Variants in TMEM178B observed in about 807,000 individuals in gnomAD.
TMEM178B encodes the protein transmembrane protein 178B.
Under a neutral mutation model 31.0 loss-of-function variants are expected in TMEM178B, and 5 were observed. The ratio of observed to expected loss-of-function variants is 0.16; its 90% CI spans 0.08 to 0.34. The LOEUF is 0.34. Among genes scored for constraint, TMEM178B ranks in the 10% least tolerant of loss-of-function variants. The probability of loss-of-function intolerance (pLI) is 1.00; values close to 1 mark genes in which losing one functional copy is unlikely to be tolerated. For synonymous variants in TMEM178B, 164 were observed against 164.0 expected, an observed-to-expected ratio of 1.00 and a Z score of 0.00; for missense variants, 275 against 400.3, an observed-to-expected ratio of 0.69 and a Z score of 2.67.
intron 2 of TMEM178B, among the ~76,000 whole-genome samples, chr7:141,380,602 A>G (rs907703259): frequency 5.3e-5 from 8 of 152,144 alleles, no homozygotes; most frequent in African/African-American, 1.4e-4. Context: ...AAAGAATTCT[A>G]TGTCCTTTTT....
At chr7:141,363,846 C>T (rs978009348) in intron 2 of TMEM178B, among the ~76,000 whole-genome samples, 10 of 151,466 alleles carry the variant, frequency 6.6e-5, no homozygotes, top group Admixed American at 5.3e-4. Context: ...GCCGTGATTG[C>T]GCCACTGCAC....
intron 1 of TMEM178B, among the ~76,000 whole-genome samples, chr7:141,103,934 C>T (rs1271174144): frequency 6.6e-6 from 1 of 152,196 alleles, no homozygotes; most frequent in Admixed American, 6.5e-5. Flanking sequence ...ACCAATTCCT[C>T]TGCATAATCA....
intron 3 of TMEM178B, among the ~76,000 whole-genome samples, chr7:141,450,773 C>CT (rs1200631299): frequency 2.0e-5 from 3 of 152,184 alleles, no homozygotes; most frequent in Non-Finnish European, 4.4e-5. Flanking sequence ...ACATTATCTC[C>CT]TTTCATCTCA....
At chr7:141,186,439 G>C (rs565168571) in intron 1 of TMEM178B, among the ~76,000 whole-genome samples, 1 of 152,290 alleles carries the variant, frequency 6.6e-6, no homozygotes, top group African/African-American at 2.4e-5. Flanking sequence ...CGGGGCCTCT[G>C]CTCCTCCTTC....
chr7:141,504,105 C>T, the TMEM178B span, among the ~76,000 whole-genome samples: 10 of 152,188 alleles, frequency 6.6e-5, no homozygotes, highest in African/African-American at 2.2e-4. Context: ...GATTTCCTCC[C>T]TCCTGATTTT....
At chr7:141,128,213 A>G (rs989608076) in intron 1 of TMEM178B, among the ~76,000 whole-genome samples, 1 of 152,204 alleles carries the variant, frequency 6.6e-6, no homozygotes, top group African/African-American at 2.4e-5. Context: ...GGTCATATCT[A>G]GAACCTGAAT....
At chr7:141,391,988 A>G (rs1800551539) in intron 2 of TMEM178B, among the ~76,000 whole-genome samples, 1 of 151,948 alleles carries the variant, frequency 6.6e-6, no homozygotes, top group Non-Finnish European at 1.5e-5. Flanking sequence ...TGCTGTGAAC[A>G]TGGCTATGAA....
rs1794555522 is a variant in TMEM178B, at chr7:141,074,188, G to A, written c.-123G>A. The A allele has an allele frequency of 7.4e-7, 1 of 1,345,942 alleles. No individual in the cohort carries two copies. The highest frequency in any genetic ancestry group is 2.7e-5 in the East Asian group (1 of 36,908). 83.4% of individuals were successfully genotyped at this position (1,345,942 alleles called of 1,614,324 possible). On this transcript the variant is annotated 5_prime_UTR_variant, in exon 1 of 4. Coordinates refer to ENST00000565468, the MANE Select transcript of TMEM178B (RefSeq NM_001195278.2). The surrounding 1 kb of genome is among the most constrained non-coding windows in gnomAD (Gnocchi z 5.1). Reference sequence around the variant, plus strand: ...GGTAGGCGGGGGCCGAGGGGGCGCCGCGGCGCGAGTCCCTCTCCTGCCCCC... The same window carrying A: ...GGTAGGCGGGGGCCGAGGGGGCGCCACGGCGCGAGTCCCTCTCCTGCCCCC...
At chr7:141,370,899 CATTCTG>C (rs1185207983) in intron 2 of TMEM178B, among the ~76,000 whole-genome samples, 15 of 152,220 alleles carry the variant, frequency 9.9e-5, no homozygotes, top group African/African-American at 3.4e-4. Context: ...ATGTTGTCTG[CATTCTG>C]AATATGGATC....
chr7:141,137,666 G>A (rs1458827641), intron 1 of TMEM178B, among the ~76,000 whole-genome samples: 1 of 152,174 alleles, frequency 6.6e-6, no homozygotes, highest in African/African-American at 2.4e-5. Context: ...ATAGCTAGAA[G>A]AGAAGATTTT....
At chr7:141,123,669 A>G (rs1795444448) in intron 1 of TMEM178B, among the ~76,000 whole-genome samples, 2 of 152,160 alleles carry the variant, frequency 1.3e-5, no homozygotes, top group South Asian at 4.1e-4. Flanking sequence ...TTTGAACTAG[A>G]ACATACTCTG....
Position 141,262,568 on chromosome 7 carries a change from GA to G in TMEM178B, c.496+49873del, listed in dbSNP as rs202231657. ...ATGGCAAAGCAAAAATGGAAAACTT[GA>G]AAAAAAAACTTGACAGCATTTCTAT... On this transcript the variant is annotated intron_variant, in intron 2 of 3. Transcript: ENST00000565468. Among the ~76,000 whole-genome samples, 286 of 145,526 alleles carry G rather than the reference GA, an allele frequency of 2.0e-3. 2 individuals carry two copies. The East Asian group carries it at 0.041, about 21-fold the overall frequency.
At chr7:141,230,502 C>G (rs1414113759) in intron 2 of TMEM178B, among the ~76,000 whole-genome samples, 1 of 152,198 alleles carries the variant, frequency 6.6e-6, no homozygotes, top group Non-Finnish European at 1.5e-5. Context: ...TCTCTACTGT[C>G]CTGTTACCTT....
At chr7:141,486,767 C>G in the TMEM178B span, among the ~76,000 whole-genome samples, 1 of 152,132 alleles carries the variant, frequency 6.6e-6, no homozygotes, top group Admixed American at 6.5e-5. Context: ...TTGACCAGAA[C>G]AAACTAATCT....
Position 141,145,575 on chromosome 7 carries a change from G to T in TMEM178B, c.383-67016G>T, listed in dbSNP as rs117703573. Among the ~76,000 whole-genome samples, 581 of 152,316 alleles carry T rather than the reference G, an allele frequency of 3.8e-3. 5 individuals carry two copies. The highest frequency in any genetic ancestry group is 0.011 in the African/African-American group (456 of 41,572). ...GCTCAGTGTATTCACCCCTGAGCCAGGCATCTTGCTGGAAAACACAAAGTG... is the reference window on the plus strand; with the variant it reads ...GCTCAGTGTATTCACCCCTGAGCCATGCATCTTGCTGGAAAACACAAAGTG... On this transcript the variant is annotated intron_variant, in intron 1 of 3. Transcript: ENST00000565468.
At chr7:141,147,455 T>C (rs908352428) in intron 1 of TMEM178B, among the ~76,000 whole-genome samples, 1 of 152,138 alleles carries the variant, frequency 6.6e-6, no homozygotes, top group African/African-American at 2.4e-5. Context: ...GATTTTTGCA[T>C]TTTAAAAAGA....
chr7:141,463,354 C>T (rs899999305), intron 3 of TMEM178B, among the ~76,000 whole-genome samples: 1 of 152,246 alleles, frequency 6.6e-6, no homozygotes, highest in African/African-American at 2.4e-5. Flanking sequence ...AGAGCAGCCA[C>T]TGGACTTTGC....
chr7:141,127,635 C>T (rs1305660349), intron 1 of TMEM178B, among the ~76,000 whole-genome samples: 1 of 152,208 alleles, frequency 6.6e-6, no homozygotes, highest in Non-Finnish European at 1.5e-5. Flanking sequence ...GTTCTGCAGA[C>T]ACCTTGATTT....
At chr7:141,290,742 G>A (rs550914777) in intron 2 of TMEM178B, among the ~76,000 whole-genome samples, 2 of 152,070 alleles carry the variant, frequency 1.3e-5, no homozygotes, top group South Asian at 2.1e-4. Context: ...TGCCCCTTTC[G>A]GCCTCTCCTT....
Sources: gnomAD v4.1 joint callset for allele counts (sites outside exome capture counted in the v4.1 genomes callset) on GRCh38, gnomAD v4.1.1 for gene constraint, Gnocchi (gnomAD v3.1) non-coding constraint, MANE v1.5 for transcripts, NCBI Gene and HGNC (gene_info 2026-07-23, HGNC 2026-07-21) for gene names.